The following INIP variants were observed in gnomAD, a reference collection of about 807,000 sequenced individuals.
The protein encoded by INIP is INTS3 and NABP interacting protein, also known as SOSS complex subunit C.
In INIP, 9 loss-of-function variants were observed where a neutral mutation model predicts 14.0. The observed-to-expected ratio is 0.64, with a 90% confidence interval of 0.39 to 1.12. INIP has a LOEUF of 1.12. Ranked by LOEUF, INIP falls within the 50% of genes most tolerant of loss-of-function variation. INIP has a pLI of 0.01. For synonymous variants in INIP, 37 were observed against 41.5 expected (o/e 0.89, Z 0.41); for missense variants, 78 against 122.7 (o/e 0.64, Z 1.72).
chr9:112,684,900 A>C lies in INIP; in HGVS notation c.*2638T>G, dbSNP rs1358605834. ...GCTGACCTCCACCTGAGGGCTTCCCAGTCCACTGCTGCCCTTTCCCTCACC... is the reference window on the plus strand; with the variant it reads ...GCTGACCTCCACCTGAGGGCTTCCCCGTCCACTGCTGCCCTTTCCCTCACC... On this transcript the variant is annotated 3_prime_UTR_variant, in exon 5 of 5. Coordinates refer to ENST00000374242, the MANE Select transcript of INIP (RefSeq NM_021218.3). The C allele has an allele frequency of 1.3e-5, 2 of 152,280 alleles. No individual in the cohort carries two copies. The highest frequency in any genetic ancestry group is 4.8e-5 in the African/African-American group (2 of 41,464). The allele number at this position is 152,280 out of a possible 1,614,324, so 9.4% of individuals were successfully genotyped here.
rs556756642 is a variant in INIP, at chr9:112,707,761, A to G, written c.25+8700T>C. On this transcript the variant is annotated intron_variant, in intron 2 of 4. Coordinates refer to ENST00000374242, the MANE Select transcript of INIP (RefSeq NM_021218.3). ...CAATAATTTTTAAAAGATTACTTAA[A>G]TCCTGTCAAGTGGTTATCCTACAAG... Among the ~76,000 whole-genome samples, 265 of 152,298 alleles carry G rather than the reference A, an allele frequency of 1.7e-3. 2 individuals carry two copies. Among genetic ancestry groups the G allele is most frequent in the African/African-American group, 5.8e-3 (241 of 41,562 alleles).
chr9:112,689,385 G>C (rs1416196595), intron 4 of INIP, 142 bp downstream of exon 4: 1 of 671,146 alleles, frequency 1.5e-6, no homozygotes, highest in Non-Finnish European at 2.6e-6. Context: ...CTCTGGGCTT[G>C]ACTGAACATC....
At chr9:112,699,767 G>T (rs10817370) in intron 2 of INIP, among the ~76,000 whole-genome samples, 3,265 of 152,134 alleles carry the variant, frequency 0.021, 104 homozygotes, top group East Asian at 0.14. Flanking sequence ...CGCTATCCAT[G>T]AGAAATTTCA....
intron 2 of INIP, among the ~76,000 whole-genome samples, chr9:112,706,973 G>A (rs556582423): frequency 2.0e-4 from 31 of 152,050 alleles, no homozygotes; most frequent in African/African-American, 7.0e-4. Context: ...GTGCAATGGC[G>A]TGATCTCGGC....
rs1837613841 is a variant in INIP at position 112,685,188 on chromosome 9, C to T, written c.*2350G>A. On this transcript the variant is annotated 3_prime_UTR_variant, in exon 5 of 5. Transcript: ENST00000374242. ...AACCTCCCAGGCTCAAGCAATCCTCCCACCTCAGCCTCCCGAGTGGCTGGG... is the reference window on the plus strand; with the variant it reads ...AACCTCCCAGGCTCAAGCAATCCTCTCACCTCAGCCTCCCGAGTGGCTGGG... The T allele has an allele frequency of 6.6e-6, 1 of 152,390 alleles. No individual in the cohort carries two copies. Among genetic ancestry groups the T allele is most frequent in the African/African-American group, 2.4e-5 (1 of 41,422 alleles). 9.4% of individuals were successfully genotyped at this position (152,390 alleles called of 1,614,324 possible). A position where few individuals can be genotyped will look rare whatever the true frequency, so the allele number is the denominator to read the frequency against.
chr9:112,704,605 T>G (rs1838400619), intron 2 of INIP, among the ~76,000 whole-genome samples: 1 of 152,214 alleles, frequency 6.6e-6, no homozygotes. Flanking sequence ...CAACACAGTT[T>G]GGGTAAGCTT....
intron 2 of INIP, among the ~76,000 whole-genome samples, chr9:112,695,799 G>GAGGAGGAGGAGA (rs1838062763): frequency 7.1e-6 from 1 of 140,860 alleles, no homozygotes; most frequent in African/African-American, 2.8e-5. Flanking sequence ...GGAGGGGGAG[G>GAGGAGGAGGAGA]AGGAGGAGGA....
chr9:112,714,996 A>G (rs1838759060), intron 2 of INIP, among the ~76,000 whole-genome samples: 1 of 152,216 alleles, frequency 6.6e-6, no homozygotes, highest in Non-Finnish European at 1.5e-5. Flanking sequence ...ATATTTGTGT[A>G]TCTCAACATA....
chr9:112,708,210 G>A (rs1425472121), intron 2 of INIP, among the ~76,000 whole-genome samples: 1 of 152,200 alleles, frequency 6.6e-6, no homozygotes, highest in African/African-American at 2.4e-5. Context: ...TTGACCTAGC[G>A]TGAAAGCGGG....
intron 2 of INIP, among the ~76,000 whole-genome samples, chr9:112,708,032 T>A (rs1244531403): frequency 6.6e-6 from 1 of 152,224 alleles, no homozygotes; most frequent in African/African-American, 2.4e-5. Flanking sequence ...AAACTTGACA[T>A]GATTCTAGCT....
chr9:112,693,803 G>A (rs923278437), intron 3 of INIP, among the ~76,000 whole-genome samples: 17 of 152,164 alleles, frequency 1.1e-4, no homozygotes, highest in Admixed American at 1.3e-4. Flanking sequence ...GGCCAGGCAC[G>A]GTGGGTCACG....
intron 2 of INIP, 110 bp downstream of exon 2, chr9:112,716,351 T>C: frequency 3.0e-6 from 3 of 1,003,504 alleles, no homozygotes; most frequent in East Asian, 2.5e-5. Context: ...CTGCTATTCA[T>C]TTTTTAAATT....
chr9:112,692,439 A>G (rs1246006297), intron 3 of INIP, among the ~76,000 whole-genome samples: 4 of 152,068 alleles, frequency 2.6e-5, no homozygotes, highest in African/African-American at 9.7e-5. Flanking sequence ...ATGCACCACC[A>G]TGGCTAGCTA....
chr9:112,717,551 C>T (rs1838865681), intron 1 of INIP, among the ~76,000 whole-genome samples: 1 of 151,696 alleles, frequency 6.6e-6, no homozygotes. Context: ...GCTTAACAAA[C>T]CCGCTCTTTA....
rs1346740638 is a variant in INIP, at chr9:112,716,534, A to C, written c.-49T>G. 2 of 1,548,982 alleles carry C rather than the reference A, an allele frequency of 1.3e-6. No homozygotes were observed. The highest frequency in any genetic ancestry group is 1.8e-6 in the Non-Finnish European group (2 of 1,120,716). On this transcript the variant is annotated 5_prime_UTR_variant, in exon 2 of 5. Coordinates refer to ENST00000374242, the MANE Select transcript of INIP (RefSeq NM_021218.3). Reference sequence around the variant, plus strand: ...TCCAGTGGCAATTGGTCAGCACTTCACAATCACCTATAAAATATGTGTACA... The same window carrying C: ...TCCAGTGGCAATTGGTCAGCACTTCCCAATCACCTATAAAATATGTGTACA...
At position 112,684,904 on chromosome 9, in the gene INIP, C is replaced by A. The variant is rs1036386501; in HGVS notation, c.*2634G>T. 1 of 152,260 alleles carries A rather than the reference C, an allele frequency of 6.6e-6. No homozygotes were observed. The highest frequency in any genetic ancestry group is 1.5e-5 in the Non-Finnish European group (1 of 68,090). The allele number at this position is 152,260 out of a possible 1,614,324, so 9.4% of individuals were successfully genotyped here. ...ACCTCCACCTGAGGGCTTCCCAGTC[C>A]ACTGCTGCCCTTTCCCTCACCCTCT... is the stretch of plus-strand genomic sequence containing the variant. On this transcript the variant is annotated 3_prime_UTR_variant, in exon 5 of 5. Transcript: ENST00000374242.
At chr9:112,711,113 G>A (rs896396123) in intron 2 of INIP, among the ~76,000 whole-genome samples, 3 of 151,458 alleles carry the variant, frequency 2.0e-5, no homozygotes, top group African/African-American at 7.3e-5. Flanking sequence ...GAGGCTGCAC[G>A]GAGCTACAAT....
At chr9:112,693,006 G>T (rs1015308122) in intron 3 of INIP, among the ~76,000 whole-genome samples, 14 of 144,456 alleles carry the variant, frequency 9.7e-5, no homozygotes, top group African/African-American at 3.4e-4. Context: ...TCCACTCTAG[G>T]TGACAGAGTT....
chr9:112,692,289 T>G (rs1200769164), intron 3 of INIP, among the ~76,000 whole-genome samples: 1 of 152,132 alleles, frequency 6.6e-6, no homozygotes, highest in African/African-American at 2.4e-5. Context: ...ATAATGGATC[T>G]TTTTTGTTTG....
Sources: gnomAD v4.1 joint callset for allele counts (sites outside exome capture counted in the v4.1 genomes callset) on GRCh38, gnomAD v4.1.1 for gene constraint, MANE v1.5 for transcripts, NCBI Gene and HGNC (gene_info 2026-07-23, HGNC 2026-07-21) for gene names.